Variants in BSN observed in about 807,000 individuals in gnomAD.
BSN encodes the protein bassoon presynaptic cytomatrix protein.
BSN carries 57 observed loss-of-function variants against 264.8 expected under a neutral mutation model. The ratio of observed to expected loss-of-function variants is 0.22; its 90% CI spans 0.17 to 0.27. The LOEUF (loss-of-function observed/expected upper bound fraction) is 0.27, where lower values mean the gene tolerates loss of function less well. BSN is among the 10% of genes least tolerant of loss of function. The pLI is 1.00. For missense variants in BSN, 4,615 were observed against 5,232.5 expected (o/e 0.88, Z 3.64); for synonymous variants, 2,059 against 2,137.3 (o/e 0.96, Z 1.01).
intron 1 of BSN, among the ~76,000 whole-genome samples, chr3:49,564,216 C>T (rs954288102): frequency 3.3e-5 from 5 of 152,092 alleles, no homozygotes; most frequent in African/African-American, 9.7e-5. Flanking sequence ...CTGAAGGATG[C>T]GGGGCCTTCC....
intron 8 of BSN, 140 bp downstream of exon 8, chr3:49,664,026 C>G: frequency 1.2e-6 from 1 of 832,544 alleles, no homozygotes; most frequent in Non-Finnish European, 1.9e-6. Flanking sequence ...CTGTAGACCT[C>G]CCCAGCAGAA....
At chr3:49,646,245 G>GT (rs1036405403) in intron 3 of BSN, among the ~76,000 whole-genome samples, 10 of 151,938 alleles carry the variant, frequency 6.6e-5, no homozygotes, top group Non-Finnish European at 8.8e-5. Flanking sequence ...GTTGATTCCA[G>GT]TTTTTTTTAC....
intron 3 of BSN, 38 bp from the exon 4 acceptor site, chr3:49,650,574 T>C (rs1411359099): frequency 1.3e-6 from 2 of 1,549,946 alleles, no homozygotes; most frequent in Admixed American, 2.2e-5. Flanking sequence ...TCAGTGTCTT[T>C]TTAATTTTCA....
Position 49,651,423 on chromosome 3 carries a change from C to A in BSN, c.1987-120C>A. On this transcript the variant is annotated intron_variant, in intron 4 of 11. Transcript: ENST00000296452. This position sits in a 1 kb window ranked among gnomAD's most constrained non-coding sequence, Gnocchi z 5.4. ...GAAGGAGATAGGGTGGGTGGCGGGC[C>A]CTAAACCCTTGGGAAATGGACAGAC... 8.5e-7 allele frequency: 1 copy of A among 1,181,420 alleles called. No individual in the cohort carries two copies. Among genetic ancestry groups the A allele is most frequent in the Non-Finnish European group, 1.2e-6 (1 of 846,390 alleles). The allele number at this position is 1,181,420 out of a possible 1,614,324, so 73.2% of individuals were successfully genotyped here.
At chr3:49,606,280 A>AT (rs796382035) in intron 1 of BSN, among the ~76,000 whole-genome samples, 15 of 8,254 alleles carry the variant, frequency 1.8e-3, no homozygotes, top group African/African-American at 2.5e-3. Flanking sequence ...ATATATTAAA[A>AT]ATATATATTA....
At position 49,654,242 on chromosome 3, in the gene BSN, A is replaced by G. The variant is rs75625777; in HGVS notation, c.4686A>G (p.Ala1562=). The G allele has an allele frequency of 0.012, 19,353 of 1,613,420 alleles. 153 individuals carry two copies. Among genetic ancestry groups the G allele is most frequent in the South Asian group, 0.015 (1,385 of 90,960 alleles). The part of the protein sequence containing the change: ...QEAPFMVITL[A]SDASSQTRMV... ...CTCCCTTTATGGTCATCACGCTGGC[A>G]TCTGACGCCTCCAGCCAGACCAGGA... The change falls in exon 5 of 12, where the codon GCA becomes GCG. Residue 1562 remains alanine (A), a synonymous_variant. Coordinates refer to ENST00000296452, the MANE Select transcript of BSN (RefSeq NM_003458.4). The surrounding 1 kb of genome is among the most constrained non-coding windows in gnomAD (Gnocchi z 4.1).
At chr3:49,632,358 T>C (rs535495694) in intron 2 of BSN, among the ~76,000 whole-genome samples, 4 of 152,266 alleles carry the variant, frequency 2.6e-5, no homozygotes, top group Admixed American at 6.5e-5. Flanking sequence ...ATTTTTTACA[T>C]CTAAAGGCAC....
chr3:49,568,047 G>A (rs540793263), intron 1 of BSN, among the ~76,000 whole-genome samples: 7 of 152,274 alleles, frequency 4.6e-5, no homozygotes, highest in South Asian at 2.1e-4. Flanking sequence ...GTGGAAGACC[G>A]TACTGACTTT....
At position 49,654,154 on chromosome 3, in the gene BSN, G is replaced by A. The variant is rs865778220; in HGVS notation, c.4598G>A (p.Gly1533Asp). Residue 1533 changes from glycine to aspartate, a missense_variant, in exon 5 of 12, where the codon GGT (glycine) becomes GAT (aspartate). By Grantham distance (94) the Gly-to-Asp change is moderately conservative (BLOSUM62 -1). This residue lies in a region of BSN where 3,415 missense variants were observed against 3,866.4 expected (regional missense o/e 0.88). Coordinates refer to ENST00000296452, the MANE Select transcript of BSN (RefSeq NM_003458.4). The surrounding 1 kb of genome is among the most constrained non-coding windows in gnomAD (Gnocchi z 4.1). ...APTPSPMVAQ[G>D]TQTPHRPSTP... ...ACTCCATCACCTATGGTAGCCCAGG[G>A]TACACAAACACCACATCGACCCAGC... 1.2e-6 allele frequency: 2 copies of A among 1,614,050 alleles called. No individual in the cohort carries two copies. The highest frequency in any genetic ancestry group is 2.2e-5 in the South Asian group (2 of 91,090).
At chr3:49,619,269 G>A (rs2052284665) in intron 1 of BSN, among the ~76,000 whole-genome samples, 1 of 152,222 alleles carries the variant, frequency 6.6e-6, no homozygotes, top group South Asian at 2.1e-4. Context: ...TGCTTACTGA[G>A]TGTCCATTCA....
At chr3:49,587,432 T>A (rs2051945101) in intron 1 of BSN, among the ~76,000 whole-genome samples, 1 of 152,240 alleles carries the variant, frequency 6.6e-6, no homozygotes, top group South Asian at 2.1e-4. Context: ...ACTTAAGTAC[T>A]GTTGTTACTG....
At chr3:49,673,087 C>CTTTTTTTTTTTTTTT (rs71080543), downstream of BSN, among the ~76,000 whole-genome samples, 198 of 43,180 alleles carry the variant, frequency 4.6e-3, 40 homozygotes, top group Middle Eastern at 0.028. Flanking sequence ...CCGGCCGGGA[C>CTTTTTTTTTTTTTTT]TTTTTTTTTT....
chr3:49,561,794 G>T (rs1372621824), intron 1 of BSN, among the ~76,000 whole-genome samples: 1 of 151,778 alleles, frequency 6.6e-6, no homozygotes, highest in African/African-American at 2.4e-5. Context: ...TAGATCTCTT[G>T]TTGTTGTTAT....
In BSN at chr3:49,642,783, A is replaced by C; in HGVS notation, c.1149A>C (p.Thr383=). 6.2e-7 allele frequency: 1 copy of C among 1,613,412 alleles called. No individual in the cohort carries two copies. Among genetic ancestry groups the C allele is most frequent in the Non-Finnish European group, 8.5e-7 (1 of 1,179,962 alleles). The change falls in exon 3 of 12, where the codon ACA becomes ACC. Residue 383 remains threonine, a synonymous_variant. Coordinates refer to ENST00000296452, the MANE Select transcript of BSN (RefSeq NM_003458.4). The surrounding 1 kb of genome is among the most constrained non-coding windows in gnomAD (Gnocchi z 7.0). ...GCCAGCCTGCCCCCAGCAAGGGGAC[A>C]CCTAAGATCGTCTTCAATGATGCCA... ...TQGQPAPSKG[T]PKIVFNDASK...
At chr3:49,623,079 T>A (rs148554765) in intron 1 of BSN, among the ~76,000 whole-genome samples, 1,753 of 152,282 alleles carry the variant, frequency 0.012, 38 homozygotes, top group African/African-American at 0.039. Flanking sequence ...TTGCAGAGTA[T>A]CTTGGGGTGG....
chr3:49,599,370 GCAACATGAAC>G (rs2052053047), intron 1 of BSN, among the ~76,000 whole-genome samples: 1 of 152,154 alleles, frequency 6.6e-6, no homozygotes, highest in Admixed American at 6.5e-5. Context: ...TAGAGCTTCA[GCAACATGAAC>G]CTTTTCGAGG....
intron 1 of BSN, among the ~76,000 whole-genome samples, chr3:49,583,221 G>A (rs566939252): frequency 3.0e-4 from 45 of 151,988 alleles, no homozygotes; most frequent in African/African-American, 9.2e-4. Flanking sequence ...TGCCCACCTC[G>A]GCCTCCCAAA....
At chr3:49,643,299 C>T in intron 3 of BSN, 147 bp downstream of exon 3, 1 of 1,363,596 alleles carries the variant, frequency 7.3e-7, no homozygotes. Context: ...GGGCTGCATT[C>T]CCTTTCCTGT....
chr3:49,650,941 T>G lies in BSN; in HGVS notation c.1848T>G (p.Ala616=). The G allele has an allele frequency of 6.2e-7, 1 of 1,614,138 alleles. No individual in the cohort carries two copies. The highest frequency in any genetic ancestry group is 8.5e-7 in the Non-Finnish European group (1 of 1,180,034). Residue 616 remains alanine, a synonymous_variant, in exon 4 of 12, where the codon GCT becomes GCG. Coordinates refer to ENST00000296452, the MANE Select transcript of BSN (RefSeq NM_003458.4). ...AGAAGACCCGAGTCCCCACTAAAGC[T>G]GAGCCCATGCCGAAGCCACCTCCAG... The part of the protein sequence containing the change: ...QEKKTRVPTK[A]EPMPKPPPET...
Sources: gnomAD v4.1 joint callset for allele counts (sites outside exome capture counted in the v4.1 genomes callset) on GRCh38, gnomAD v4.1.1 for gene constraint, gnomAD v4.1.1 regional missense constraint, Gnocchi (gnomAD v3.1) non-coding constraint, MANE v1.5 for transcripts, NCBI Gene and HGNC (gene_info 2026-07-23, HGNC 2026-07-21) for gene names.